Variants in SUPT7L observed in about 807,000 individuals in gnomAD.
The protein encoded by SUPT7L is SPT7 like, STAGA complex subunit gamma.
In SUPT7L, 15 loss-of-function variants were observed where a neutral mutation model predicts 35.7. The observed-to-expected ratio is 0.42, with a 90% CI of 0.28 to 0.65. SUPT7L has a LOEUF of 0.65. Among genes scored for constraint, SUPT7L ranks in the 30% least tolerant of loss-of-function variants. The probability of loss-of-function intolerance (pLI) is 0.23; values close to 1 mark genes in which losing one functional copy is unlikely to be tolerated. For synonymous variants in SUPT7L, 168 were observed against 186.2 expected (o/e 0.90, Z 0.79); for missense variants, 434 against 522.2 (o/e 0.83, Z 1.65).
chr2:27,646,767 A>G (rs534749724), downstream of SUPT7L, among the ~76,000 whole-genome samples: 83 of 152,004 alleles, frequency 5.5e-4, 2 homozygotes, highest in African/African-American at 1.9e-3. Context: ...CATCTTTCTT[A>G]AAGGAGTGAT....
intron 2 of SUPT7L, chr2:27,661,812 G>A (rs565267080): frequency 1.1e-4 from 44 of 389,018 alleles, no homozygotes; most frequent in African/African-American, 8.8e-4. Context: ...AATAAGCAAG[G>A]CATGATAAGG....
At chr2:27,656,152 C>CT (rs1286703489) in intron 4 of SUPT7L, among the ~76,000 whole-genome samples, 6 of 151,664 alleles carry the variant, frequency 4.0e-5, no homozygotes, top group Admixed American at 3.3e-4. Context: ...GCAACCCTGT[C>CT]TAAAAAAAGG....
chr2:27,657,780 G>A lies in SUPT7L; in HGVS notation c.420-111C>T. 8 of 1,066,440 alleles carry A rather than the reference G, an allele frequency of 7.5e-6. No individual in the cohort carries two copies. The highest frequency in any genetic ancestry group is 3.1e-4 in the Middle Eastern group (1 of 3,230). 66.1% of individuals were successfully genotyped at this position (1,066,440 alleles called of 1,614,324 possible). ...TCAAGCCACTGGCCTAGCTTTCCAG[G>A]GAAATTCCATCCAAGTTACATAGCT... On this transcript the variant is annotated intron_variant, in intron 3 of 5. Coordinates refer to ENST00000337768, the MANE Select transcript of SUPT7L (RefSeq NM_014860.3). The surrounding 1 kb of genome is among the most constrained non-coding windows in gnomAD (Gnocchi z 5.2).
chr2:27,647,635 A>C (rs535176158), downstream of SUPT7L, among the ~76,000 whole-genome samples: 1 of 152,358 alleles, frequency 6.6e-6, no homozygotes, highest in Admixed American at 6.5e-5. Context: ...TCCTAGGGCT[A>C]TTTGCCTTAT....
At chr2:27,654,105 GTCCT>G (rs1156759246) in intron 5 of SUPT7L, among the ~76,000 whole-genome samples, 17 of 152,228 alleles carry the variant, frequency 1.1e-4, no homozygotes, top group South Asian at 8.3e-4. Context: ...TAGTTTGCCT[GTCCT>G]TCCTTCCTTC....
At chr2:27,646,296 C>T (rs574336635), downstream of SUPT7L, among the ~76,000 whole-genome samples, 1 of 152,314 alleles carries the variant, frequency 6.6e-6, no homozygotes, top group South Asian at 2.1e-4. Context: ...CCCATTTCAG[C>T]CTCCCAAAGT....
the SUPT7L span, among the ~76,000 whole-genome samples, chr2:27,644,662 TG>T: frequency 6.6e-6 from 1 of 151,614 alleles, no homozygotes; most frequent in Non-Finnish European, 1.5e-5. Flanking sequence ...CATAAATAGT[TG>T]TATCTGTATG....
rs999127311 is a variant in SUPT7L, at chr2:27,658,414, CT to C, written c.420-746del. On this transcript the variant is annotated intron_variant, in intron 3 of 5. Coordinates refer to ENST00000337768, the MANE Select transcript of SUPT7L (RefSeq NM_014860.3). ...TCCTGCATAATACACCATTTTGCCC[CT>C]AATCACTACTGCAGAAATCTTAATT... 6.6e-5 allele frequency among the ~76,000 whole-genome samples: 10 copies of C among 152,128 alleles called. No individual in the cohort carries two copies. In the East Asian group the frequency reaches 9.6e-4, roughly 15 times the overall value.
chr2:27,661,103 T>A lies in SUPT7L; in HGVS notation c.300A>T (p.Glu100Asp). Reference protein sequence around the residue: ...QTEGVKTEESEPLPSCPGSPP... With the variant: ...QTEGVKTEESDPLPSCPGSPP... ...GTGACCCAGGGCACGAGGGAAGAGG[T>A]TCACTCTCTTCAGTTTTTACACCTT... Residue 100 changes from glutamate to aspartate, a missense_variant, in exon 3 of 6, where the codon GAA (glutamate) becomes GAT (aspartate). Glu to Asp is a conservative substitution (Grantham distance 45). Transcript: ENST00000337768. 6.2e-7 allele frequency: 1 copy of A among 1,614,020 alleles called. No individual in the cohort carries two copies. The highest frequency in any genetic ancestry group is 2.2e-5 in the East Asian group (1 of 44,872).
rs1056377876 is a variant in SUPT7L, at chr2:27,657,335, G to T, written c.744+10C>A. ...ACATCTGTGCCCACTTTTCAACAGG[G>T]TCGCCTCACCTGTAGCATGTAACTG... On this transcript the variant is annotated intron_variant, in intron 4 of 5. Transcript: ENST00000337768. This position sits in a 1 kb window ranked among gnomAD's most constrained non-coding sequence, Gnocchi z 5.2. 1 of 1,610,458 alleles carries T rather than the reference G, an allele frequency of 6.2e-7. No individual in the cohort carries two copies. Among genetic ancestry groups the T allele is most frequent in the Middle Eastern group, 1.7e-4 (1 of 6,046 alleles).
Position 27,654,092 on chromosome 2 carries a change from GT to G in SUPT7L, c.983-346del, listed in dbSNP as rs1362667228. Among the ~76,000 whole-genome samples, 3 of 152,132 alleles carry G rather than the reference GT, an allele frequency of 2.0e-5. No homozygotes were observed. In the East Asian group the frequency reaches 5.8e-4, roughly 29 times the overall value. On this transcript the variant is annotated intron_variant, in intron 5 of 5. Transcript: ENST00000337768. ...GCACAACCACAGGACTTGTTCAGTT[GT>G]TTAGTTTGCCTGTCCTTCCTTCCTT...
rs1674622587 is a variant in SUPT7L at position 27,652,879 on chromosome 2, T to A, written c.*606A>T. The stretch of plus-strand genomic sequence containing the variant: ...AATAAATGGATGAGATAGAGAGCTG[T>A]CTAAGCAAAAAAGGTGTCAGACCTC... On this transcript the variant is annotated 3_prime_UTR_variant, in exon 6 of 6. Transcript: ENST00000337768. 1 of 153,392 alleles carries A rather than the reference T, an allele frequency of 6.5e-6. No homozygotes were observed. The highest frequency in any genetic ancestry group is 6.5e-5 in the Admixed American group (1 of 15,442). The allele number at this position is 153,392 out of a possible 1,614,324, so 9.5% of individuals were successfully genotyped here.
chr2:27,655,213 C>A, intron 5 of SUPT7L, 152 bp downstream of exon 5: 1 of 606,124 alleles, frequency 1.6e-6, no homozygotes, highest in East Asian at 2.8e-5. Context: ...GCTGGGATCT[C>A]TAGATAGGTG....
At chr2:27,661,452 A>G (rs1221499692) in intron 2 of SUPT7L, 64 bp from the exon 3 acceptor site, 14 of 1,597,704 alleles carry the variant, frequency 8.8e-6, no homozygotes, top group South Asian at 1.1e-5. Context: ...ACCTAAAAGT[A>G]ATGTGTTTAA....
In SUPT7L at chr2:27,661,609, A is replaced by C. The variant is rs146743317; in HGVS notation, c.15-221T>G. The C allele has an allele frequency of 5.8e-4, 812 of 1,391,046 alleles. 12 individuals carry two copies. The African/African-American group carries it at 9.6e-3, about 16-fold the overall frequency. The allele number at this position is 1,391,046 out of a possible 1,614,324, so 86.2% of individuals were successfully genotyped here. A position where few individuals can be genotyped will look rare whatever the true frequency, so the allele number is the denominator to read the frequency against. ...GGACCAAAGGTGTTCTCCCTAAATA[A>C]ATTAAGAGAAATGTAACTGTTAGAT... On this transcript the variant is annotated intron_variant, in intron 2 of 5. Transcript: ENST00000337768.
At position 27,653,745 on chromosome 2, in the gene SUPT7L, C is replaced by T. The variant is rs1212675802; in HGVS notation, c.985G>A (p.Ala329Thr). ...EVEASPQASS[A>T]EVNASPLWNL... The stretch of plus-strand genomic sequence containing the variant: ...CAAAGAGGAGAAGCATTTACCTCTG[C>T]ACCTAGAAACAGAGGAAAGATGGAC... The change falls in exon 6 of 6, where the codon GCA becomes ACA. Residue 329 changes from alanine to threonine, a missense_variant and splice_region_variant. Physicochemically the swap from Ala to Thr is moderately conservative, Grantham distance 58. This residue lies in a region of SUPT7L where 159 missense variants were observed against 217.1 expected (regional missense o/e 0.73). Coordinates refer to ENST00000337768, the MANE Select transcript of SUPT7L (RefSeq NM_014860.3). 1.2e-6 allele frequency: 2 copies of T among 1,614,160 alleles called. No individual in the cohort carries two copies.
At chr2:27,662,078 T>C in intron 2 of SUPT7L, 101 bp downstream of exon 2, 1 of 1,549,190 alleles carries the variant, frequency 6.5e-7, no homozygotes, top group Non-Finnish European at 8.9e-7. Flanking sequence ...AGACTTACTC[T>C]TTTTAAAACT....
rs372482853 is a variant in SUPT7L at position 27,657,923 on chromosome 2, ATATC to A, written c.420-258_420-255del. 6.6e-6 allele frequency among the ~76,000 whole-genome samples: 1 copy of A among 152,232 alleles called. No individual in the cohort carries two copies. The highest frequency in any genetic ancestry group is 2.4e-5 in the African/African-American group (1 of 41,452). On this transcript the variant is annotated intron_variant, in intron 3 of 5. Coordinates refer to ENST00000337768, the MANE Select transcript of SUPT7L (RefSeq NM_014860.3). The surrounding 1 kb of genome is among the most constrained non-coding windows in gnomAD (Gnocchi z 5.2). Reference sequence around the variant, plus strand: ...TGTCTATAATACACAATCCAAAAGGATATCTAGTGAAAAGAAAGTTTCCTTCTAG... The same window carrying A: ...TGTCTATAATACACAATCCAAAAGGATAGTGAAAAGAAAGTTTCCTTCTAG...
At chr2:27,661,982 G>T in intron 2 of SUPT7L, 197 bp downstream of exon 2, 1 of 695,596 alleles carries the variant, frequency 1.4e-6, no homozygotes, top group East Asian at 2.8e-5. Flanking sequence ...TTGACATATA[G>T]AACGTGAGAG....
Sources: gnomAD v4.1 joint callset for allele counts (sites outside exome capture counted in the v4.1 genomes callset) on GRCh38, gnomAD v4.1.1 for gene constraint, gnomAD v4.1.1 regional missense constraint, Gnocchi (gnomAD v3.1) non-coding constraint, MANE v1.5 for transcripts, NCBI Gene and HGNC (gene_info 2026-07-23, HGNC 2026-07-21) for gene names.